ANO3: variants seen among roughly 807,000 people sequenced by gnomAD.
ANO3 encodes anoctamin 3.
In ANO3, 99 loss-of-function variants were observed where a neutral mutation model predicts 144.8. The observed-to-expected ratio is 0.68, with a 90% CI of 0.58 to 0.81. The LOEUF is 0.81. ANO3 is among the 30% of genes least tolerant of loss of function. ANO3 has a pLI of 0.00. For synonymous variants in ANO3, 414 were observed against 392.6 expected (o/e 1.05, Z -0.64); for missense variants, 905 against 1,202.2 (o/e 0.75, Z 3.66).
chr11:26,485,074 T>A (rs1280125119), intron 4 of ANO3, among the ~76,000 whole-genome samples: 1 of 152,178 alleles, frequency 6.6e-6, no homozygotes, highest in Non-Finnish European at 1.5e-5. Flanking sequence ...ACTTGCCTTG[T>A]CTCAGATGAA....
intron 1 of ANO3, among the ~76,000 whole-genome samples, chr11:26,264,698 A>C (rs80109303): frequency 0.02 from 3,039 of 152,224 alleles, 60 homozygotes; most frequent in East Asian, 0.12. Flanking sequence ...TTAGTTTCTT[A>C]TGAGGCCTTT....
chr11:26,278,549 C>G (rs1392112654), intron 1 of ANO3, among the ~76,000 whole-genome samples: 1 of 152,060 alleles, frequency 6.6e-6, no homozygotes, highest in Non-Finnish European at 1.5e-5. Context: ...CACGTAGGCT[C>G]AAGCTGGGAG....
At chr11:26,275,877 C>T (rs1276242109) in intron 1 of ANO3, among the ~76,000 whole-genome samples, 3 of 152,122 alleles carry the variant, frequency 2.0e-5, no homozygotes, top group African/African-American at 7.2e-5. Flanking sequence ...GCTTTTAATT[C>T]TCGTTTGGTT....
In ANO3 at chr11:26,662,320, C is replaced by CT. The variant is rs959314056; in HGVS notation, c.*1876_*1877insT. On this transcript the variant is annotated 3_prime_UTR_variant, in exon 27 of 27. Coordinates refer to ENST00000256737, the MANE Select transcript of ANO3 (RefSeq NM_031418.4). ...TCCAGAGAGGTTCTCATGCTCCCCC[C>CT]CCTCCTTATTTGTAGCAATCGTAGC... is the stretch of plus-strand genomic sequence containing the variant. The CT allele has an allele frequency of 1.3e-5, 2 of 151,868 alleles. No individual in the cohort carries two copies. Among genetic ancestry groups the CT allele is most frequent in the East Asian group, 3.9e-4 (2 of 5,170 alleles). 9.4% of individuals were successfully genotyped at this position (151,868 alleles called of 1,614,324 possible).
chr11:26,370,298 A>C (rs776203395), intron 1 of ANO3, among the ~76,000 whole-genome samples: 7 of 152,172 alleles, frequency 4.6e-5, no homozygotes, highest in Non-Finnish European at 7.3e-5. Flanking sequence ...TCCTGCTGCC[A>C]TGAAAAGAAG....
intron 1 of ANO3, among the ~76,000 whole-genome samples, chr11:26,316,395 C>T (rs1294565875): frequency 6.6e-6 from 1 of 152,136 alleles, no homozygotes; most frequent in African/African-American, 2.4e-5. Flanking sequence ...AACATATCAT[C>T]GGTATGCATA....
chr11:26,576,359 C>A (rs115597465), intron 14 of ANO3, among the ~76,000 whole-genome samples: 1,911 of 152,098 alleles, frequency 0.013, 36 homozygotes, highest in African/African-American at 0.043. Flanking sequence ...CTCAATTAGA[C>A]TTAATTAATT....
At chr11:26,229,227 A>G (rs770613273) in intron 1 of ANO3, among the ~76,000 whole-genome samples, 4 of 152,214 alleles carry the variant, frequency 2.6e-5, no homozygotes, top group Non-Finnish European at 5.9e-5. Flanking sequence ...GAGATTCAAA[A>G]CAGGTAATAT....
intron 4 of ANO3, among the ~76,000 whole-genome samples, chr11:26,506,136 G>A (rs966333341): frequency 6.6e-6 from 1 of 152,006 alleles, no homozygotes; most frequent in African/African-American, 2.4e-5. Context: ...TGTGCCTTCT[G>A]TGGCAAAAAA....
At chr11:26,297,549 C>A (rs11029502) in intron 1 of ANO3, among the ~76,000 whole-genome samples, 38,365 of 152,018 alleles carry the variant, frequency 0.25, 6,967 homozygotes, top group African/African-American at 0.52. Context: ...ACATTAGTTT[C>A]CTTTAGTTTT....
intron 3 of ANO3, among the ~76,000 whole-genome samples, chr11:26,447,570 T>C (rs1229338432): frequency 6.6e-6 from 1 of 152,212 alleles, no homozygotes; most frequent in East Asian, 1.9e-4. Context: ...TGTTAGTAAG[T>C]TTCAGGCAGA....
At chr11:26,316,259 G>A (rs1186405298) in intron 1 of ANO3, among the ~76,000 whole-genome samples, 1 of 152,138 alleles carries the variant, frequency 6.6e-6, no homozygotes, top group Non-Finnish European at 1.5e-5. Flanking sequence ...CTGGTCCTGC[G>A]ATGCCACCAA....
chr11:26,579,114 G>T (rs767197525), intron 14 of ANO3, among the ~76,000 whole-genome samples: 11 of 152,204 alleles, frequency 7.2e-5, no homozygotes, highest in Non-Finnish European at 4.4e-5. Flanking sequence ...TGGCAAAACT[G>T]ACAGTTTGAT....
At position 26,660,410 on chromosome 11, in the gene ANO3, A is replaced by T. The variant is rs1352324565; in HGVS notation, c.2912A>T (p.Lys971Ile). The T allele has an allele frequency of 6.2e-7, 1 of 1,613,186 alleles. No homozygotes were observed. Among genetic ancestry groups the T allele is most frequent in the Admixed American group, 1.7e-5 (1 of 59,940 alleles). ...GAACATTTGCAACAACAACGGAGAA[A>T]AAGTGGTCAGCCTGTTCACCATGAA... Reference protein sequence around the residue: ...ELEHLQQQRRKSGQPVHHEWP With the variant: ...ELEHLQQQRRISGQPVHHEWP Residue 971 changes from lysine to isoleucine, a missense_variant, in exon 27 of 27, where the codon AAA (lysine) becomes ATA (isoleucine). Coordinates refer to ENST00000256737, the MANE Select transcript of ANO3 (RefSeq NM_031418.4).
intron 1 of ANO3, among the ~76,000 whole-genome samples, chr11:26,374,005 G>A (rs745887975): frequency 1.2e-4 from 18 of 152,214 alleles, no homozygotes; most frequent in Non-Finnish European, 2.4e-4. Flanking sequence ...TTGATAGGTA[G>A]TGCTTCCATG....
chr11:26,652,022 A>G (rs1035288863), intron 24 of ANO3, among the ~76,000 whole-genome samples: 5 of 152,018 alleles, frequency 3.3e-5, no homozygotes, highest in African/African-American at 1.2e-4. Context: ...TTGCCCAATC[A>G]CCGTAACCAC....
In ANO3 at chr11:26,525,553, C is replaced by A; in HGVS notation, c.693-82C>A. 2.7e-6 allele frequency: 3 copies of A among 1,114,702 alleles called. No individual in the cohort carries two copies. The South Asian group carries it at 4.1e-5, about 15-fold the overall frequency. The allele number at this position is 1,114,702 out of a possible 1,614,324, so 69.1% of individuals were successfully genotyped here. On this transcript the variant is annotated intron_variant, in intron 6 of 26. Coordinates refer to ENST00000256737, the MANE Select transcript of ANO3 (RefSeq NM_031418.4). ...ACGGAACTTGGAGTATAGAAATGCT[C>A]AATATGATTGAATGTTGTCACTCAC...
chr11:26,597,245 T>C (rs976448550), intron 14 of ANO3, among the ~76,000 whole-genome samples: 9 of 152,160 alleles, frequency 5.9e-5, no homozygotes, highest in Non-Finnish European at 1.2e-4. Flanking sequence ...AGCAAGCCTT[T>C]TGTTCTCTGA....
chr11:26,218,279 A>G (rs1262211591), intron 1 of ANO3, among the ~76,000 whole-genome samples: 1 of 152,120 alleles, frequency 6.6e-6, no homozygotes, highest in African/African-American at 2.4e-5. Context: ...ATGACATGGT[A>G]GCTGTGCTTA....
Sources: gnomAD v4.1 joint callset for allele counts (sites outside exome capture counted in the v4.1 genomes callset) on GRCh38, gnomAD v4.1.1 for gene constraint, MANE v1.5 for transcripts, NCBI Gene and HGNC (gene_info 2026-07-23, HGNC 2026-07-21) for gene names.